The following CHMP4B variants were observed in gnomAD, a reference collection of about 807,000 sequenced individuals.
CHMP4B encodes the protein SNF7 homolog associated with Alix 1.
A neutral mutation model predicts 25.1 loss-of-function variants in CHMP4B; 1 was observed. The observed-to-expected ratio is 0.04, with a 90% CI of 0.01 to 0.19. The LOEUF (loss-of-function observed/expected upper bound fraction) is 0.19, where lower values mean the gene tolerates loss of function less well. Ranked by LOEUF, CHMP4B falls within the 10% of genes least tolerant of loss-of-function variation. The pLI is 1.00. For missense variants in CHMP4B, 151 were observed against 289.7 expected, an observed-to-expected ratio of 0.52 and a Z score of 3.48; for synonymous variants, 101 against 115.6, an observed-to-expected ratio of 0.87 and a Z score of 0.81.
chr20:33,824,074 C>G (rs1454518388), intron 1 of CHMP4B, among the ~76,000 whole-genome samples: 2 of 152,138 alleles, frequency 1.3e-5, no homozygotes, highest in Non-Finnish European at 2.9e-5. Flanking sequence ...AATATGAGCA[C>G]CTATGCTTAT....
At chr20:33,823,011 A>G (rs900545552) in intron 1 of CHMP4B, among the ~76,000 whole-genome samples, 6 of 151,470 alleles carry the variant, frequency 4.0e-5, no homozygotes, top group Non-Finnish European at 7.4e-5. Flanking sequence ...GATGGTCTCA[A>G]TCTCCTGACC....
intron 1 of CHMP4B, among the ~76,000 whole-genome samples, chr20:33,843,105 C>T (rs572670752): frequency 7.9e-5 from 12 of 152,314 alleles, no homozygotes; most frequent in Middle Eastern, 6.8e-3. Flanking sequence ...CCTGGGTGAA[C>T]GTCTTTTTGA....
At chr20:33,825,820 T>C (rs1217310836) in intron 1 of CHMP4B, among the ~76,000 whole-genome samples, 2 of 152,188 alleles carry the variant, frequency 1.3e-5, no homozygotes, top group East Asian at 3.9e-4. Context: ...ATTGTTCTTA[T>C]TTCAGAGGTA....
intron 1 of CHMP4B, among the ~76,000 whole-genome samples, chr20:33,842,358 A>C (rs1381350241): frequency 1.3e-5 from 2 of 152,172 alleles, no homozygotes; most frequent in African/African-American, 4.8e-5. Context: ...CAGATGACAG[A>C]TCACAGATGA....
At chr20:33,819,035 G>A (rs755261963) in intron 1 of CHMP4B, among the ~76,000 whole-genome samples, 16 of 151,978 alleles carry the variant, frequency 1.1e-4, no homozygotes, top group Admixed American at 9.2e-4. Flanking sequence ...TCAGCCTCCC[G>A]AGTAGCTGGA....
At chr20:33,845,241 T>C (rs1979654675) in intron 1 of CHMP4B, among the ~76,000 whole-genome samples, 1 of 152,136 alleles carries the variant, frequency 6.6e-6, no homozygotes, top group African/African-American at 2.4e-5. Context: ...CTCTGGATGA[T>C]TAAATGAAAT....
chr20:33,826,145 T>C (rs893112304), intron 1 of CHMP4B, among the ~76,000 whole-genome samples: 3 of 152,156 alleles, frequency 2.0e-5, no homozygotes, highest in African/African-American at 7.2e-5. Context: ...CTACCATTGG[T>C]ATTCAGTCAA....
At chr20:33,839,954 T>G (rs1294690725) in intron 1 of CHMP4B, among the ~76,000 whole-genome samples, 1 of 152,176 alleles carries the variant, frequency 6.6e-6, no homozygotes, top group African/African-American at 2.4e-5. Context: ...AAAGTATCAA[T>G]TTTTCATTGC....
chr20:33,813,230 C>T lies in CHMP4B; in HGVS notation c.190+1572C>T, dbSNP rs1978689843. Among the ~76,000 whole-genome samples, 5 of 151,452 alleles carry T rather than the reference C, an allele frequency of 3.3e-5. No individual in the cohort carries two copies. The South Asian group carries it at 1.0e-3, about 32-fold the overall frequency. ...CGGAGGTTAGCAGGTTGTAAGAAACCGAAGAGAGAGACCCTTGTGTCCAGA... is the reference window on the plus strand; with the variant it reads ...CGGAGGTTAGCAGGTTGTAAGAAACTGAAGAGAGAGACCCTTGTGTCCAGA... On this transcript the variant is annotated intron_variant, in intron 1 of 4. Transcript: ENST00000217402.
At chr20:33,824,474 A>G (rs1302256678) in intron 1 of CHMP4B, among the ~76,000 whole-genome samples, 1 of 152,228 alleles carries the variant, frequency 6.6e-6, no homozygotes, top group Non-Finnish European at 1.5e-5. Context: ...CGTGTTATAC[A>G]CAGTGGGACT....
Position 33,853,625 on chromosome 20 carries a change from G to A in CHMP4B, c.*65G>A, listed in dbSNP as rs1008082194. The A allele has an allele frequency of 3.2e-5, 45 of 1,419,550 alleles. 1 individual carries two copies. The highest frequency in any genetic ancestry group is 1.7e-4 in the Middle Eastern group (1 of 5,722). The allele number at this position is 1,419,550 out of a possible 1,614,324, so 87.9% of individuals were successfully genotyped here. A position where few individuals can be genotyped will look rare whatever the true frequency, so the allele number is the denominator to read the frequency against. Reference sequence around the variant, plus strand: ...GCCTGCGCAGCGAGCAGGCGTGTGCGTGTGTGGGGCAGGCAGGATGTGGTG... The same window carrying A: ...GCCTGCGCAGCGAGCAGGCGTGTGCATGTGTGGGGCAGGCAGGATGTGGTG... On this transcript the variant is annotated 3_prime_UTR_variant, in exon 5 of 5. Transcript: ENST00000217402.
chr20:33,827,628 T>C (rs1979131473), intron 1 of CHMP4B, among the ~76,000 whole-genome samples: 3 of 152,244 alleles, frequency 2.0e-5, no homozygotes. Context: ...TCTTTTCTGG[T>C]ACCTGAGCCT....
intron 3 of CHMP4B, among the ~76,000 whole-genome samples, chr20:33,851,584 TA>T (rs1478775917): frequency 1.3e-5 from 2 of 152,150 alleles, no homozygotes. Context: ...CACTGTGTGC[TA>T]GATTTGTGTC....
chr20:33,848,754 C>T, intron 2 of CHMP4B, 110 bp downstream of exon 2: 1 of 1,165,574 alleles, frequency 8.6e-7, no homozygotes, highest in Non-Finnish European at 1.2e-6. Flanking sequence ...ATTCGAGCAC[C>T]TGAGTTTGTT....
intron 1 of CHMP4B, among the ~76,000 whole-genome samples, chr20:33,835,298 C>G (rs1979362721): frequency 6.6e-6 from 1 of 152,050 alleles, no homozygotes; most frequent in African/African-American, 2.4e-5. Context: ...ATATGATGTG[C>G]TTTGGTATAT....
At chr20:33,813,469 G>A (rs1978697326) in intron 1 of CHMP4B, among the ~76,000 whole-genome samples, 1 of 152,174 alleles carries the variant, frequency 6.6e-6, no homozygotes, top group Non-Finnish European at 1.5e-5. Context: ...AGGGAGAACA[G>A]TGAGGAGGCA....
At chr20:33,829,465 C>A (rs760019122) in intron 1 of CHMP4B, among the ~76,000 whole-genome samples, 1 of 152,168 alleles carries the variant, frequency 6.6e-6, no homozygotes. Context: ...CCCCTAGGCT[C>A]TAAGGAACTG....
At chr20:33,843,027 G>A (rs564389315) in intron 1 of CHMP4B, among the ~76,000 whole-genome samples, 2 of 152,292 alleles carry the variant, frequency 1.3e-5, no homozygotes, top group East Asian at 3.9e-4. Context: ...TAGTTGTATC[G>A]AACTGATGTG....
At chr20:33,835,995 C>T (rs1386660197) in intron 1 of CHMP4B, among the ~76,000 whole-genome samples, 2 of 152,212 alleles carry the variant, frequency 1.3e-5, no homozygotes, top group Non-Finnish European at 2.9e-5. Flanking sequence ...CTAGGCCCCA[C>T]CTCTGACATT....
Sources: allele counts gnomAD v4.1 joint callset (sites outside exome capture counted in the v4.1 genomes callset), GRCh38; gene constraint gnomAD v4.1.1; transcripts MANE v1.5; gene names NCBI Gene and HGNC (gene_info 2026-07-23, HGNC 2026-07-21).